The following PTPRF variants were observed in gnomAD, a reference collection of about 807,000 sequenced individuals.
PTPRF encodes protein tyrosine phosphatase receptor type F.
Under a neutral mutation model 201.8 loss-of-function variants are expected in PTPRF, and 59 were observed. The ratio of observed to expected loss-of-function variants is 0.29; its 90% CI spans 0.24 to 0.36. The LOEUF (loss-of-function observed/expected upper bound fraction) is 0.36, where lower values mean the gene tolerates loss of function less well. PTPRF is among the 10% of genes least tolerant of loss of function. PTPRF has a pLI of 1.00. For synonymous variants in PTPRF, 1,088 were observed against 1,089.7 expected (o/e 1.00, Z 0.03); for missense variants, 2,132 against 2,690.5 (o/e 0.79, Z 4.59).
At chr1:43,559,402 A>G (rs1645629406) in intron 5 of PTPRF, among the ~76,000 whole-genome samples, 1 of 152,064 alleles carries the variant, frequency 6.6e-6, no homozygotes, top group Non-Finnish European at 1.5e-5. Context: ...CTTATGGGCT[A>G]TGTATACAGC....
At chr1:43,578,338 C>T (rs557884950) in intron 6 of PTPRF, among the ~76,000 whole-genome samples, 5 of 152,268 alleles carry the variant, frequency 3.3e-5, no homozygotes, top group East Asian at 3.9e-4. Context: ...TCCTGGTGGG[C>T]GGCAAATTCT....
rs770705836 is a variant in PTPRF, at chr1:43,598,836, G to A, written c.2236G>A (p.Val746Ile). ...GCATGGCCAGATCCGCGGCTACCAGGTCACCTACGTGCGGCTGGAGAATGG... is the reference window on the plus strand; with the variant it reads ...GCATGGCCAGATCCGCGGCTACCAGATCACCTACGTGCGGCTGGAGAATGG... ...KQHGQIRGYQ[V>I]TYVRLENGEP... Residue 746 changes from valine (V) to isoleucine (I), a missense_variant, in exon 13 of 34, where the codon GTC becomes ATC. Val to Ile is a conservative substitution (Grantham distance 29). Transcript: ENST00000359947. The A allele has an allele frequency of 1.9e-6, 3 of 1,614,082 alleles. No individual in the cohort carries two copies. Among genetic ancestry groups the A allele is most frequent in the Non-Finnish European group, 2.5e-6 (3 of 1,180,032 alleles).
rs567385647 is a variant in PTPRF, at chr1:43,591,571, G to A, written c.1531+18G>A. 1.5e-5 allele frequency: 23 copies of A among 1,541,338 alleles called. No individual in the cohort carries two copies. Among genetic ancestry groups the A allele is most frequent in the Middle Eastern group, 1.7e-4 (1 of 5,836 alleles). On this transcript the variant is annotated intron_variant, in intron 9 of 33. Transcript: ENST00000359947. ...GCAGGGAGGTAGGTGGGGGCATGCC[G>A]GCTGGGCAGCCAACAGCAGAGAAGG...
upstream of PTPRF, among the ~76,000 whole-genome samples, chr1:43,525,804 C>CAAAAAAAAAAA (rs1179056466): frequency 1.1e-4 from 4 of 35,568 alleles, no homozygotes; most frequent in Non-Finnish European, 1.9e-4. Flanking sequence ...GACTCAGTCT[C>CAAAAAAAAAAA]AAAAAAAAAA....
intron 1 of PTPRF, among the ~76,000 whole-genome samples, chr1:43,535,626 G>A (rs1040539265): frequency 6.6e-6 from 1 of 152,130 alleles, no homozygotes; most frequent in African/African-American, 2.4e-5. Context: ...ACCCACTGCC[G>A]GGCCAGGTTT....
chr1:43,578,251 G>C (rs569121555), intron 6 of PTPRF, among the ~76,000 whole-genome samples: 129 of 152,344 alleles, frequency 8.5e-4, no homozygotes, highest in African/African-American at 3.0e-3. Context: ...TGGCGGGGAG[G>C]GGGTGGAGTA....
At chr1:43,602,749 C>T (rs915134521) in intron 14 of PTPRF, among the ~76,000 whole-genome samples, 4 of 152,278 alleles carry the variant, frequency 2.6e-5, no homozygotes, top group South Asian at 4.1e-4. Context: ...GTCTGCCAAG[C>T]GGGGAGGACA....
intron 13 of PTPRF, among the ~76,000 whole-genome samples, chr1:43,601,815 T>C (rs1653818512): frequency 6.6e-6 from 1 of 152,092 alleles, no homozygotes; most frequent in Non-Finnish European, 1.5e-5. Context: ...TGTCAGCGGG[T>C]CCTCTCCCTG....
chr1:43,552,856 A>G (rs1466883836), intron 3 of PTPRF, among the ~76,000 whole-genome samples: 2 of 150,732 alleles, frequency 1.3e-5, no homozygotes, highest in Non-Finnish European at 3.0e-5. Flanking sequence ...GAAGGCAATA[A>G]CTAAGTCGGG....
intron 2 of PTPRF, among the ~76,000 whole-genome samples, chr1:43,540,190 G>A (rs148570818): frequency 2.5e-4 from 38 of 152,260 alleles, no homozygotes; most frequent in Non-Finnish European, 4.0e-4. Context: ...GCATCTCCCC[G>A]CTTTCCCCAG....
intron 11 of PTPRF, among the ~76,000 whole-genome samples, chr1:43,595,015 C>T (rs184246665): frequency 2.0e-5 from 3 of 152,230 alleles, no homozygotes; most frequent in Admixed American, 2.0e-4. Flanking sequence ...GCAACATGGA[C>T]GAGTGGCCCT....
chr1:43,602,005 C>A, intron 13 of PTPRF, 66 bp from the exon 14 acceptor site: 2 of 1,562,500 alleles, frequency 1.3e-6, no homozygotes, highest in East Asian at 4.5e-5. Context: ...CCTTCCAGGC[C>A]AGGCCCTCTC....
intron 11 of PTPRF, among the ~76,000 whole-genome samples, chr1:43,593,238 G>C (rs1651332575): frequency 6.6e-6 from 1 of 152,256 alleles, no homozygotes; most frequent in Non-Finnish European, 1.5e-5. Flanking sequence ...CGATGCTGCA[G>C]CTGTGGGAGT....
chr1:43,621,018 G>C (rs770913711), intron 32 of PTPRF, 26 bp downstream of exon 32: 1 of 1,610,586 alleles, frequency 6.2e-7, no homozygotes, highest in Non-Finnish European at 8.5e-7. Context: ...TGGAGGGCTG[G>C]GGTGGGTGGG....
chr1:43,573,417 C>T (rs1172613800), intron 6 of PTPRF, among the ~76,000 whole-genome samples: 9 of 152,228 alleles, frequency 5.9e-5, no homozygotes, highest in Non-Finnish European at 8.8e-5. Context: ...GCAGTCTCTT[C>T]CCCACCCCCA....
rs201860251 is a variant in PTPRF, at chr1:43,605,619, C to T, written c.3480C>T (p.Asp1160=). The T allele has an allele frequency of 3.2e-5, 52 of 1,613,878 alleles. No individual in the cohort carries two copies. Among genetic ancestry groups the T allele is most frequent in the Middle Eastern group, 1.7e-4 (1 of 6,056 alleles). Residue 1160 remains aspartate (D), a synonymous_variant, in exon 19 of 34, where the codon GAC becomes GAT. Transcript: ENST00000359947. Reference sequence around the variant, plus strand: ...GCACACCCGAGGAACTGGAGCTGGACGAGGTACCTGGGGAGGGGATGGGGA... The same window carrying T: ...GCACACCCGAGGAACTGGAGCTGGATGAGGTACCTGGGGAGGGGATGGGGA... ...RWSTPEELEL[D]ELLEAIEQGG...
Position 43,591,427 on chromosome 1 carries a change from G to A in PTPRF, c.1405G>A (p.Ala469Thr), listed in dbSNP as rs752774736. The A allele has an allele frequency of 1.2e-5, 19 of 1,585,498 alleles. No individual in the cohort carries two copies. The highest frequency in any genetic ancestry group is 4.6e-5 in the South Asian group (4 of 87,362). Residue 469 changes from alanine to threonine, a missense_variant, in exon 9 of 34, where the codon GCG becomes ACG. Physicochemically the swap from Ala to Thr is moderately conservative, Grantham distance 58. Transcript: ENST00000359947. ...PNAWHKHNTD[A>T]GLLTTVGSLL... ...CGCCTGGCACAAGCACAACACCGAC[G>A]CGGGGCTCCTCACGACCGTGGGCAG...
At chr1:43,525,987 G>C (rs1643091909), upstream of PTPRF, among the ~76,000 whole-genome samples, 1 of 151,938 alleles carries the variant, frequency 6.6e-6, no homozygotes, top group African/African-American at 2.4e-5. Flanking sequence ...GAGGCGTGTG[G>C]GGCCAAGGGA....
At chr1:43,524,318 A>C (rs560642563), upstream of PTPRF, among the ~76,000 whole-genome samples, 1 of 152,278 alleles carries the variant, frequency 6.6e-6, no homozygotes, top group Non-Finnish European at 1.5e-5. Context: ...TAATTCGTCC[A>C]TTAAAAATCA....
Sources: allele counts gnomAD v4.1 joint callset (sites outside exome capture counted in the v4.1 genomes callset), GRCh38; gene constraint gnomAD v4.1.1; transcripts MANE v1.5; gene names NCBI Gene and HGNC (gene_info 2026-07-23, HGNC 2026-07-21).